The following SLC36A3 variants were observed in gnomAD, a reference collection of about 807,000 sequenced individuals.
The protein encoded by SLC36A3 is proton-coupled amino acid transporter 3.
A neutral mutation model predicts 44.3 loss-of-function variants in SLC36A3; 35 were observed. That is an observed-to-expected ratio of 0.79 (90% CI 0.60 to 1.05). The LOEUF (loss-of-function observed/expected upper bound fraction) is 1.05, where lower values mean the gene tolerates loss of function less well. Ranked by LOEUF, SLC36A3 falls within the 50% of genes least tolerant of loss-of-function variation. The pLI is 0.00. For missense variants in SLC36A3, 540 were observed against 578.7 expected (o/e 0.93, Z 0.69); for synonymous variants, 211 against 227.6 (o/e 0.93, Z 0.66).
At chr5:151,298,810 A>G (rs1580826204) in intron 1 of SLC36A3, 127 bp from the exon 2 acceptor site, 3 of 780,918 alleles carry the variant, frequency 3.8e-6, no homozygotes, top group Middle Eastern at 6.3e-4. Context: ...GATGAGGTGG[A>G]CTTGGAGACA....
At chr5:151,281,436 G>A (rs4484410) in intron 8 of SLC36A3, among the ~76,000 whole-genome samples, 5,557 of 152,276 alleles carry the variant, frequency 0.036, 141 homozygotes, top group Admixed American at 0.056. Flanking sequence ...AGGGCCATCC[G>A]GGAAGCTTAT....
At chr5:151,293,784 G>A (rs1373474042) in intron 3 of SLC36A3, among the ~76,000 whole-genome samples, 1 of 152,206 alleles carries the variant, frequency 6.6e-6, no homozygotes, top group East Asian at 1.9e-4. Flanking sequence ...GGAAGAGGTG[G>A]TGTGGGTGTG....
intron 5 of SLC36A3, among the ~76,000 whole-genome samples, chr5:151,287,676 C>A (rs756265307): frequency 6.6e-6 from 1 of 152,110 alleles, no homozygotes; most frequent in Non-Finnish European, 1.5e-5. Context: ...ATTGGGCAAC[C>A]CTGTCGGGCC....
chr5:151,281,544 G>C (rs904151163), intron 8 of SLC36A3, among the ~76,000 whole-genome samples: 1 of 152,192 alleles, frequency 6.6e-6, no homozygotes, highest in South Asian at 2.1e-4. Flanking sequence ...ATAGCCGGGC[G>C]TGGTGGCTCA....
rs1393874634 is a variant in SLC36A3 at position 151,276,481 on chromosome 5, A to T, written c.*912T>A. 6.6e-6 allele frequency among the ~76,000 whole-genome samples: 1 copy of T among 152,200 alleles called. No individual in the cohort carries two copies. The highest frequency in any genetic ancestry group is 1.5e-5 in the Non-Finnish European group (1 of 68,034). On this transcript the variant is annotated 3_prime_UTR_variant, in exon 10 of 10. Coordinates refer to ENST00000335230, the MANE Select transcript of SLC36A3 (RefSeq NM_181774.4). Reference sequence around the variant, plus strand: ...TATTCCATTGTATGGCTACATCACAATTTATTTATCCATTCTCTTGTTTAT... The same window carrying T: ...TATTCCATTGTATGGCTACATCACATTTTATTTATCCATTCTCTTGTTTAT...
intron 6 of SLC36A3, among the ~76,000 whole-genome samples, chr5:151,286,304 T>C (rs1429973788): frequency 6.6e-6 from 1 of 152,216 alleles, no homozygotes; most frequent in Non-Finnish European, 1.5e-5. Flanking sequence ...CCCATGCTTA[T>C]GTTTTTTTGA....
At chr5:151,287,939 G>T (rs1451415340) in intron 5 of SLC36A3, among the ~76,000 whole-genome samples, 6 of 152,158 alleles carry the variant, frequency 3.9e-5, no homozygotes, top group Non-Finnish European at 8.8e-5. Context: ...GGCTGTTTGG[G>T]TGCGCAAAAA....
intron 6 of SLC36A3, among the ~76,000 whole-genome samples, chr5:151,286,380 C>T (rs1407150039): frequency 2.6e-5 from 4 of 152,148 alleles, no homozygotes; most frequent in African/African-American, 9.7e-5. Context: ...GTAGCCTTGA[C>T]CTCATGGGCT....
intron 3 of SLC36A3, among the ~76,000 whole-genome samples, chr5:151,295,909 A>G (rs907806659): frequency 6.6e-6 from 1 of 152,236 alleles, no homozygotes; most frequent in Non-Finnish European, 1.5e-5. Flanking sequence ...TGCATCTTTT[A>G]TCACTTTCGA....
At position 151,277,554 on chromosome 5, in the gene SLC36A3, T is replaced by C. The variant is rs567751336; in HGVS notation, c.1252A>G (p.Ile418Val). The change falls in exon 10 of 10, where the codon ATC becomes GTC. Residue 418 changes from isoleucine (I) to valine (V), a missense_variant. Transcript: ENST00000335230. ...LIIPALLEIV[I>V]FYSEDMSCVT... is the part of the protein sequence containing the mutation. ...CAGCTCATGTCCTCAGAGTAAAAGA[T>C]GACGATCTCCAGGAGGGCTGGGATG... 18 of 1,614,152 alleles carry C rather than the reference T, an allele frequency of 1.1e-5. 1 individual carries two copies. The South Asian group carries it at 1.6e-4, about 15-fold the overall frequency.
At chr5:151,284,015 C>G (rs1754431840) in intron 8 of SLC36A3, 29 bp downstream of exon 8, 1 of 1,588,222 alleles carries the variant, frequency 6.3e-7, no homozygotes, top group Non-Finnish European at 8.5e-7. Context: ...GTGTCTCTCC[C>G]TATCTCACCT....
At chr5:151,294,723 G>T (rs921803453) in intron 3 of SLC36A3, among the ~76,000 whole-genome samples, 1 of 151,720 alleles carries the variant, frequency 6.6e-6, no homozygotes, top group Non-Finnish European at 1.5e-5. Context: ...TCCGCCTCCC[G>T]GGTTCAAGCG....
At chr5:151,287,222 T>C in intron 6 of SLC36A3, 24 bp downstream of exon 6, 1 of 1,612,306 alleles carries the variant, frequency 6.2e-7, no homozygotes, top group Non-Finnish European at 8.5e-7. Flanking sequence ...AGGACCCTGA[T>C]CCTTTCTTCC....
chr5:151,293,882 T>TCCC (rs1453993862), intron 3 of SLC36A3, among the ~76,000 whole-genome samples: 9,892 of 152,262 alleles, frequency 0.065, 1,030 homozygotes, highest in African/African-American at 0.22. Context: ...ACAAAGGTGA[T>TCCC]ACTCGGGATC....
intron 4 of SLC36A3, among the ~76,000 whole-genome samples, chr5:151,289,924 CA>C (rs1187968613): frequency 2.6e-5 from 4 of 152,194 alleles, no homozygotes; most frequent in African/African-American, 9.7e-5. Context: ...TCCTGTTCCT[CA>C]AACCAATGGT....
In SLC36A3 at chr5:151,303,212, G is replaced by T. The variant is rs113291786; in HGVS notation, c.128+15C>A. 5 of 1,606,132 alleles carry T rather than the reference G, an allele frequency of 3.1e-6. No homozygotes were observed. The South Asian group carries it at 5.6e-5, about 18-fold the overall frequency. Reference sequence around the variant, plus strand: ...TGCTTGACCTCAGGCCTGGAAGGGCGGTGCGGCCACTTACGATAGTCCAGC... The same window carrying T: ...TGCTTGACCTCAGGCCTGGAAGGGCTGTGCGGCCACTTACGATAGTCCAGC... On this transcript the variant is annotated intron_variant, in intron 1 of 9. Coordinates refer to ENST00000335230, the MANE Select transcript of SLC36A3 (RefSeq NM_181774.4).
At chr5:151,278,151 A>G (rs1754170828) in intron 9 of SLC36A3, among the ~76,000 whole-genome samples, 1 of 152,230 alleles carries the variant, frequency 6.6e-6, no homozygotes, top group African/African-American at 2.4e-5. Context: ...TCTATATAAT[A>G]TAGCCTTTGT....
chr5:151,295,314 T>A (rs1490302272), intron 3 of SLC36A3, among the ~76,000 whole-genome samples: 2 of 152,160 alleles, frequency 1.3e-5, no homozygotes, highest in Non-Finnish European at 2.9e-5. Context: ...AGACTTACTG[T>A]GAGGAGTAAA....
chr5:151,284,260 C>A (rs1382987512), intron 7 of SLC36A3, 50 bp from the exon 8 acceptor site: 2 of 1,548,456 alleles, frequency 1.3e-6, no homozygotes. Flanking sequence ...AGAGATGTGG[C>A]CCATTGTGAA....
Sources: gnomAD v4.1 joint callset for allele counts (sites outside exome capture counted in the v4.1 genomes callset) on GRCh38, gnomAD v4.1.1 for gene constraint, MANE v1.5 for transcripts, NCBI Gene and HGNC (gene_info 2026-07-23, HGNC 2026-07-21) for gene names.